STIL: variants seen among roughly 807,000 people sequenced by gnomAD.
STIL encodes STIL centriolar assembly protein.
Under a neutral mutation model 110.1 loss-of-function variants are expected in STIL, and 55 were observed. The observed-to-expected ratio is 0.50, with a 90% CI of 0.40 to 0.63. The LOEUF is 0.63. Among genes scored for constraint, STIL ranks in the 20% least tolerant of loss-of-function variants. The pLI, the probability that STIL is intolerant of heterozygous loss-of-function variation, is 0.00. For missense variants in STIL, 1,358 were observed against 1,530.0 expected (o/e 0.89, Z 1.87); for synonymous variants, 481 against 530.0 (o/e 0.91, Z 1.27).
intron 12 of STIL, among the ~76,000 whole-genome samples, chr1:47,273,726 G>T (rs947647896): frequency 1.3e-5 from 2 of 152,150 alleles, no homozygotes. Context: ...AGGAGTGGAA[G>T]AGCCTCCCTT....
At chr1:47,271,446 C>T (rs1173648752) in intron 13 of STIL, among the ~76,000 whole-genome samples, 1 of 150,932 alleles carries the variant, frequency 6.6e-6, no homozygotes, top group East Asian at 2.0e-4. Context: ...GTGGCAGGCG[C>T]TTGTAGTCCC....
At chr1:47,277,060 T>G (rs1645015642) in intron 12 of STIL, among the ~76,000 whole-genome samples, 1 of 152,002 alleles carries the variant, frequency 6.6e-6, no homozygotes, top group South Asian at 2.1e-4. Context: ...CTATTCAAGG[T>G]GCTAAGAAAA....
rs1401166939 is a variant in STIL at position 47,310,332 on chromosome 1, A to G, written c.-13T>C. ...ATATAGGCTCCATGATGTCTGGTGAATGATTTCTTTAATTCCAAATCCTCA... is the reference window on the plus strand; with the variant it reads ...ATATAGGCTCCATGATGTCTGGTGAGTGATTTCTTTAATTCCAAATCCTCA... On this transcript the variant is annotated 5_prime_UTR_variant, in exon 2 of 17. Coordinates refer to ENST00000371877, the MANE Select transcript of STIL (RefSeq NM_001048166.1). The G allele has an allele frequency of 6.2e-7, 1 of 1,612,198 alleles. No homozygotes were observed. The highest frequency in any genetic ancestry group is 8.5e-7 in the Non-Finnish European group (1 of 1,178,992).
At chr1:47,277,958 C>G (rs1249940206) in intron 12 of STIL, among the ~76,000 whole-genome samples, 1 of 152,056 alleles carries the variant, frequency 6.6e-6, no homozygotes, top group Admixed American at 6.5e-5. Flanking sequence ...ATCTTGTAAC[C>G]TACAGTACCC....
intron 13 of STIL, among the ~76,000 whole-genome samples, chr1:47,270,290 ACAC>A (rs1178871193): frequency 1.3e-5 from 2 of 151,096 alleles, no homozygotes; most frequent in African/African-American, 2.4e-5. Flanking sequence ...ACACACACAC[ACAC>A]AATTACTTAG....
chr1:47,300,626 C>T (rs1272070036), intron 5 of STIL, among the ~76,000 whole-genome samples: 1 of 152,130 alleles, frequency 6.6e-6, no homozygotes, highest in Non-Finnish European at 1.5e-5. Flanking sequence ...TGCCACCACA[C>T]CCAGCTAATT....
At chr1:47,297,517 T>C (rs1645675654) in intron 6 of STIL, among the ~76,000 whole-genome samples, 1 of 152,160 alleles carries the variant, frequency 6.6e-6, no homozygotes, top group South Asian at 2.1e-4. Flanking sequence ...ATTTCCAATG[T>C]CTAACATAAT....
chr1:47,259,238 GGCTTCCCAAAGT>G (rs1644411705), intron 16 of STIL, among the ~76,000 whole-genome samples: 2 of 147,414 alleles, frequency 1.4e-5, no homozygotes, highest in South Asian at 4.3e-4. Context: ...CGCCCACCTC[GGCTTCCCAAAGT>G]GCTGGGATTA....
chr1:47,294,063 T>A (rs983016513), intron 7 of STIL, among the ~76,000 whole-genome samples: 1 of 152,242 alleles, frequency 6.6e-6, no homozygotes, highest in Admixed American at 6.5e-5. Flanking sequence ...TAGCAAACTA[T>A]AAGTAGATTT....
intron 16 of STIL, among the ~76,000 whole-genome samples, chr1:47,254,188 A>T (rs1304275865): frequency 7.3e-6 from 1 of 136,234 alleles, no homozygotes; most frequent in East Asian, 1.9e-4. Context: ...CTCAAAAAAA[A>T]AAAAAAAAAA....
At chr1:47,261,745 CA>C (rs34657491) in intron 15 of STIL, among the ~76,000 whole-genome samples, 46,015 of 124,296 alleles carry the variant, frequency 0.37, 8,317 homozygotes, top group African/African-American at 0.52. Context: ...GACTCTGTCT[CA>C]AAAAAAAAAA....
rs1051902806 is a variant in STIL at position 47,267,750 on chromosome 1, C to T, written c.2615+1885G>A. Among the ~76,000 whole-genome samples the T allele has an allele frequency of 3.3e-5, 5 of 149,588 alleles. No individual in the cohort carries two copies. The South Asian group carries it at 6.3e-4, about 19-fold the overall frequency. On this transcript the variant is annotated intron_variant, in intron 14 of 16. Coordinates refer to ENST00000371877, the MANE Select transcript of STIL (RefSeq NM_001048166.1). ...TTTGAGACTTAGTCTTGCTCTGTCA[C>T]CCAGGCTGGAATGCAGTGGCGCAAT...
intron 7 of STIL, among the ~76,000 whole-genome samples, chr1:47,295,126 T>G (rs560341577): frequency 1.6e-4 from 25 of 151,838 alleles, no homozygotes; most frequent in Admixed American, 1.2e-3. Context: ...TTTCACCATG[T>G]TATCCAGGCT....
At chr1:47,312,259 G>C (rs1264061414) in intron 1 of STIL, among the ~76,000 whole-genome samples, 1 of 152,120 alleles carries the variant, frequency 6.6e-6, no homozygotes, top group African/African-American at 2.4e-5. Context: ...GGGAGGCCGA[G>C]GTGGGTGGAT....
At chr1:47,275,400 A>T (rs57545250) in intron 12 of STIL, among the ~76,000 whole-genome samples, 7,156 of 151,686 alleles carry the variant, frequency 0.047, 557 homozygotes, top group African/African-American at 0.16. Context: ...CAAGGTCAGG[A>T]GATCAAGACC....
At chr1:47,295,925 G>T in intron 6 of STIL, 77 bp from the exon 7 acceptor site, 1 of 1,081,700 alleles carries the variant, frequency 9.2e-7, no homozygotes, top group Non-Finnish European at 1.4e-6. Context: ...AAATGCTGAA[G>T]CATACTTTAG....
Position 47,272,192 on chromosome 1 carries a change from G to C in STIL, c.2267C>G (p.Thr756Arg). 2 of 1,614,154 alleles carry C rather than the reference G, an allele frequency of 1.2e-6. No homozygotes were observed. Among genetic ancestry groups the C allele is most frequent in the Non-Finnish European group, 1.7e-6 (2 of 1,180,022 alleles). Residue 756 changes from threonine to arginine, a missense_variant, in exon 13 of 17, where the codon ACA becomes AGA. Coordinates refer to ENST00000371877, the MANE Select transcript of STIL (RefSeq NM_001048166.1). ...AQSLMPCSPK[T>R]TAVEDTVQAG... is the part of the protein sequence containing the mutation. Reference sequence around the variant, plus strand: ...TTGCACTGTGTCTTCAACAGCAGTTGTCTTAGGGGAACAGGGCATCAGAGA... The same window carrying C: ...TTGCACTGTGTCTTCAACAGCAGTTCTCTTAGGGGAACAGGGCATCAGAGA...
chr1:47,297,985 G>A (rs188346685), intron 6 of STIL, among the ~76,000 whole-genome samples: 1,626 of 152,150 alleles, frequency 0.011, 28 homozygotes, highest in African/African-American at 0.037. Flanking sequence ...CTCCACTTGA[G>A]AAGTACTTTA....
intron 1 of STIL, among the ~76,000 whole-genome samples, chr1:47,311,445 C>G (rs1332768082): frequency 6.6e-6 from 1 of 151,948 alleles, no homozygotes; most frequent in Admixed American, 6.6e-5. Context: ...CCACTGCACC[C>G]GGCTAATTTT....
Sources: allele counts gnomAD v4.1 joint callset (sites outside exome capture counted in the v4.1 genomes callset), GRCh38; gene constraint gnomAD v4.1.1; transcripts MANE v1.5; gene names NCBI Gene and HGNC (gene_info 2026-07-23, HGNC 2026-07-21).